The following SLC44A5 variants were observed in gnomAD, a reference collection of about 807,000 sequenced individuals.
SLC44A5 encodes choline transporter-like protein 5.
In SLC44A5, 57 loss-of-function variants were observed where a neutral mutation model predicts 101.8. The observed-to-expected ratio is 0.56, with a 90% CI of 0.45 to 0.70. The LOEUF (loss-of-function observed/expected upper bound fraction) is 0.70. Ranked by LOEUF, SLC44A5 falls within the 30% of genes least tolerant of loss-of-function variation. SLC44A5 has a pLI of 0.00. For missense variants in SLC44A5, 737 were observed against 853.1 expected (o/e 0.86, Z 1.70); for synonymous variants, 281 against 290.9 (o/e 0.97, Z 0.35).
upstream of SLC44A5, among the ~76,000 whole-genome samples, chr1:75,611,438 A>G (rs1453118737): frequency 6.6e-6 from 1 of 152,166 alleles, no homozygotes; most frequent in Non-Finnish European, 1.5e-5. Flanking sequence ...ATCATCCAAT[A>G]TACCCCATAT....
the SLC44A5 span, among the ~76,000 whole-genome samples, chr1:75,680,211 A>G: frequency 6.6e-6 from 1 of 151,904 alleles, no homozygotes; most frequent in African/African-American, 2.4e-5. Context: ...AACGAGACAG[A>G]AAGTCAACAA....
intron 1 of SLC44A5, among the ~76,000 whole-genome samples, chr1:75,579,635 T>G (rs1397322447): frequency 2.0e-5 from 3 of 152,126 alleles, no homozygotes; most frequent in Admixed American, 1.3e-4. Context: ...TTCCTACTAA[T>G]TACACCTCTT....
rs1570577483 is a variant in SLC44A5 at position 75,544,373 on chromosome 1, G to A, written c.-69-2857C>T. ...TTTATTATAAATTACCCAATCTGTG[G>A]TATTCTGTTACAGCAGCACAAAACA... On this transcript the variant is annotated intron_variant, in intron 1 of 23. Coordinates refer to ENST00000370859, the MANE Select transcript of SLC44A5 (RefSeq NM_001130058.2). Among the ~76,000 whole-genome samples, 6 of 152,220 alleles carry A rather than the reference G, an allele frequency of 3.9e-5. 1 individual carries two copies. Among genetic ancestry groups the A allele is most frequent in the Admixed American group, 3.9e-4 (6 of 15,284 alleles).
intron 2 of SLC44A5, among the ~76,000 whole-genome samples, chr1:75,536,912 A>G (rs1671055463): frequency 2.2e-5 from 3 of 135,420 alleles, no homozygotes; most frequent in Admixed American, 7.5e-5. Context: ...AGGCTGAGGC[A>G]GGAGAATGGC....
At chr1:75,683,423 G>A in the SLC44A5 span, among the ~76,000 whole-genome samples, 2 of 151,656 alleles carry the variant, frequency 1.3e-5, no homozygotes, top group African/African-American at 4.8e-5. Flanking sequence ...ATACTATGCA[G>A]CCATAAAAAA....
chr1:75,442,865 C>A (rs1362290967), intron 2 of SLC44A5, among the ~76,000 whole-genome samples: 1 of 152,134 alleles, frequency 6.6e-6, no homozygotes, highest in African/African-American at 2.4e-5. Flanking sequence ...CAATACTGTT[C>A]ATTTAGAAGT....
chr1:75,237,702 T>C (rs1648223116), intron 10 of SLC44A5, among the ~76,000 whole-genome samples: 1 of 152,042 alleles, frequency 6.6e-6, no homozygotes, highest in Admixed American at 6.6e-5. Context: ...TGCTTGTTTT[T>C]GACTTTTATA....
intron 2 of SLC44A5, among the ~76,000 whole-genome samples, chr1:75,449,859 G>A (rs2101655991): frequency 6.6e-6 from 1 of 152,104 alleles, no homozygotes; most frequent in South Asian, 2.1e-4. Flanking sequence ...AAATTAGCTG[G>A]GCATGCTGGC....
chr1:75,427,721 A>G (rs768211737), intron 2 of SLC44A5, among the ~76,000 whole-genome samples: 7 of 152,202 alleles, frequency 4.6e-5, no homozygotes, highest in Admixed American at 2.6e-4. Context: ...TTATCTTTAA[A>G]ATGAGAATAA....
chr1:75,592,979 A>T (rs931674902), intron 1 of SLC44A5, among the ~76,000 whole-genome samples: 2 of 152,140 alleles, frequency 1.3e-5, no homozygotes, highest in African/African-American at 4.8e-5. Flanking sequence ...ACCAAAGTAA[A>T]CATGAACAAA....
At chr1:75,204,833 T>C (rs1458781632) in intron 23 of SLC44A5, 1 of 152,120 alleles carries the variant, frequency 6.6e-6, no homozygotes, top group Non-Finnish European at 1.5e-5. Context: ...GAGAACTTTA[T>C]AATAATTCAC....
At chr1:75,242,753 TG>T (rs1648750311) in intron 8 of SLC44A5, 132 bp downstream of exon 8, 1 of 1,085,332 alleles carries the variant, frequency 9.2e-7, no homozygotes, top group Non-Finnish European at 1.3e-6. Flanking sequence ...CATGCATTTC[TG>T]TTTCAATGAA....
chr1:75,313,532 T>A (rs1403313913), intron 4 of SLC44A5, among the ~76,000 whole-genome samples: 3 of 152,182 alleles, frequency 2.0e-5, no homozygotes, highest in African/African-American at 7.2e-5. Flanking sequence ...TTGGCTTTAG[T>A]CCCTGAGGAT....
chr1:75,651,323 C>G, the SLC44A5 span, among the ~76,000 whole-genome samples: 5,350 of 152,166 alleles, frequency 0.035, 328 homozygotes, highest in African/African-American at 0.12. Flanking sequence ...AATTATCTGC[C>G]TTGTTTATAC....
the SLC44A5 span, among the ~76,000 whole-genome samples, chr1:75,719,952 G>A: frequency 6.6e-6 from 1 of 152,292 alleles, no homozygotes; most frequent in East Asian, 1.9e-4. Flanking sequence ...GGAGGACAAA[G>A]CAACGCCACC....
chr1:75,619,154 G>A, the SLC44A5 span, among the ~76,000 whole-genome samples: 2 of 149,578 alleles, frequency 1.3e-5, no homozygotes, highest in Admixed American at 6.7e-5. Flanking sequence ...GGCAGGGAGT[G>A]AGACAGGGAG....
At chr1:75,472,558 A>G (rs543363776) in intron 2 of SLC44A5, among the ~76,000 whole-genome samples, 42 of 152,298 alleles carry the variant, frequency 2.8e-4, no homozygotes, top group African/African-American at 9.6e-4. Context: ...GTGAAGTGAG[A>G]TATCAGCGCC....
chr1:75,704,476 A>C, the SLC44A5 span, among the ~76,000 whole-genome samples: 1 of 152,100 alleles, frequency 6.6e-6, no homozygotes. Context: ...AAAGATTCTT[A>C]TGTTCTGGTT....
At chr1:75,495,172 T>C (rs77266194) in intron 2 of SLC44A5, among the ~76,000 whole-genome samples, 9,888 of 152,144 alleles carry the variant, frequency 0.065, 469 homozygotes, top group African/African-American at 0.13. Context: ...ATAACCATCA[T>C]AGGCCAGGCG....
Sources: allele counts gnomAD v4.1 joint callset (sites outside exome capture counted in the v4.1 genomes callset), GRCh38; gene constraint gnomAD v4.1.1; transcripts MANE v1.5; gene names NCBI Gene and HGNC (gene_info 2026-07-23, HGNC 2026-07-21).